The following GRK4 variants were observed in gnomAD, a reference collection of about 807,000 sequenced individuals.
GRK4 encodes the protein G protein-coupled receptor kinase 2-like.
GRK4 carries 73 observed loss-of-function variants against 77.9 expected under a neutral mutation model. The ratio of observed to expected loss-of-function variants is 0.94; its 90% CI spans 0.78 to 1.14. GRK4 has a LOEUF of 1.14. Among genes scored for constraint, GRK4 ranks in the 50% most tolerant of loss-of-function variants. GRK4 has a pLI of 0.00. For synonymous variants in GRK4, 257 were observed against 254.4 expected (o/e 1.01, Z -0.10); for missense variants, 729 against 700.2 (o/e 1.04, Z -0.46).
rs1740361285 is a variant in GRK4, at chr4:3,035,518, C to T, written c.1402C>T (p.Pro468Ser). 3 of 1,613,056 alleles carry T rather than the reference C, an allele frequency of 1.9e-6. No individual in the cohort carries two copies. The highest frequency in any genetic ancestry group is 2.5e-6 in the Non-Finnish European group (3 of 1,179,544). Residue 468 changes from proline to serine, a missense_variant, in exon 13 of 16, where the codon CCT becomes TCT. Coordinates refer to ENST00000398052, the MANE Select transcript of GRK4 (RefSeq NM_182982.3). ...AAACATGCTGGAGCCCCCTTTCTGT[C>T]CTGATGTAAGTGCATTGCCAGGACG... ...EANMLEPPFC[P>S]DPHAVYCKDV...
At chr4:2,993,174 A>G (rs1726782290) in intron 4 of GRK4, among the ~76,000 whole-genome samples, 1 of 152,234 alleles carries the variant, frequency 6.6e-6, no homozygotes, top group Non-Finnish European at 1.5e-5. Context: ...GACTAAAAAT[A>G]ACATTTTTTC....
At chr4:3,004,201 G>T in intron 4 of GRK4, 30 bp from the exon 5 acceptor site, 1 of 1,391,032 alleles carries the variant, frequency 7.2e-7, no homozygotes, top group South Asian at 1.2e-5. Context: ...AATCACTAAT[G>T]GTTATGTATT....
intron 1 of GRK4, among the ~76,000 whole-genome samples, chr4:2,975,423 G>T (rs1231959827): frequency 2.0e-5 from 3 of 152,154 alleles, no homozygotes; most frequent in African/African-American, 7.2e-5. Context: ...AATATACCGT[G>T]GGGGAGCAGA....
intron 7 of GRK4, among the ~76,000 whole-genome samples, chr4:3,012,617 G>C (rs1256817249): frequency 6.6e-6 from 1 of 152,162 alleles, no homozygotes; most frequent in African/African-American, 2.4e-5. Flanking sequence ...GCAGTGGATG[G>C]GAGTTGGAAG....
At chr4:3,029,769 C>T (rs1046978933) in intron 12 of GRK4, among the ~76,000 whole-genome samples, 1 of 152,172 alleles carries the variant, frequency 6.6e-6, no homozygotes, top group Non-Finnish European at 1.5e-5. Context: ...GTCTCTTGGC[C>T]CAGCAGGGAG....
At chr4:3,035,587 C>G (rs1025412572) in intron 13 of GRK4, 64 bp downstream of exon 13, 2 of 1,517,284 alleles carry the variant, frequency 1.3e-6, no homozygotes, top group East Asian at 4.6e-5. Flanking sequence ...CGGTTTTTCT[C>G]TTTCTTTTTT....
chr4:3,005,120 G>A (rs181806333), intron 5 of GRK4, among the ~76,000 whole-genome samples: 24 of 151,896 alleles, frequency 1.6e-4, no homozygotes, highest in Admixed American at 6.6e-4. Flanking sequence ...GGAGAATTCC[G>A]AGGTAAAGCA....
Position 2,992,214 on chromosome 4 carries a change from G to T in GRK4, c.262-1G>T. On this transcript the variant is annotated splice_acceptor_variant, in intron 3 of 15. Coordinates refer to ENST00000398052, the MANE Select transcript of GRK4 (RefSeq NM_182982.3). LOFTEE classifies it high-confidence loss of function. Reference sequence around the variant, plus strand: ...TTCTTTTCTTCCATCTCTCCAATCAGGCAGAATATGAAGTTGCCGATGATG... The same window carrying T: ...TTCTTTTCTTCCATCTCTCCAATCATGCAGAATATGAAGTTGCCGATGATG... 1 of 1,604,670 alleles carries T rather than the reference G, an allele frequency of 6.2e-7. No individual in the cohort carries two copies. Among genetic ancestry groups the T allele is most frequent in the Non-Finnish European group, 8.5e-7 (1 of 1,171,914 alleles).
chr4:3,039,613 G>A (rs191874270), intron 15 of GRK4, among the ~76,000 whole-genome samples: 3 of 148,834 alleles, frequency 2.0e-5, no homozygotes, highest in East Asian at 4.0e-4. Context: ...CAGGAGAATC[G>A]CTTGAACCTG....
intron 8 of GRK4, among the ~76,000 whole-genome samples, chr4:3,014,905 G>A (rs745955676): frequency 6.6e-6 from 1 of 152,174 alleles, no homozygotes; most frequent in Non-Finnish European, 1.5e-5. Flanking sequence ...GGGATTACAG[G>A]TGTGAGCTAC....
In GRK4 at chr4:2,980,143, C is replaced by T. The variant is rs182329240; in HGVS notation, c.53-4370C>T. 1.2e-4 allele frequency among the ~76,000 whole-genome samples: 18 copies of T among 152,288 alleles called. No individual in the cohort carries two copies. In the East Asian group the frequency reaches 3.5e-3, roughly 29 times the overall value. ...CTGACCCTCCACAGGGTACCCAGAG[C>T]CTGGACAGTGCCTGGCACACTGGAC... On this transcript the variant is annotated intron_variant, in intron 1 of 15. Coordinates refer to ENST00000398052, the MANE Select transcript of GRK4 (RefSeq NM_182982.3).
At chr4:2,975,004 C>T (rs1375722583) in intron 1 of GRK4, among the ~76,000 whole-genome samples, 1 of 152,134 alleles carries the variant, frequency 6.6e-6, no homozygotes, top group Non-Finnish European at 1.5e-5. Context: ...TCCTAATCTC[C>T]CTTCAAAGAC....
Position 3,038,388 on chromosome 4 carries a change from G to A in GRK4, c.1558G>A (p.Gly520Arg), listed in dbSNP as rs760977524. 9.3e-6 allele frequency: 15 copies of A among 1,614,036 alleles called. No homozygotes were observed. The highest frequency in any genetic ancestry group is 1.2e-5 in the Non-Finnish European group (14 of 1,180,018). Residue 520 changes from glycine (G) to arginine (R), a missense_variant, in exon 15 of 16, where the codon GGG becomes AGG. Coordinates refer to ENST00000398052, the MANE Select transcript of GRK4 (RefSeq NM_182982.3). ...IPWQNEMIES[G>R]CFKDINKSES... is the part of the protein sequence containing the mutation. ...TCTGTGCATGCAGATGATCGAATCT[G>A]GGTGTTTCAAAGACATCAACAAAAG...
At chr4:2,987,881 G>A (rs1724863737) in intron 2 of GRK4, among the ~76,000 whole-genome samples, 1 of 151,890 alleles carries the variant, frequency 6.6e-6, no homozygotes, top group South Asian at 2.1e-4. Flanking sequence ...TTTGAAACCA[G>A]CCTGGCCAAC....
chr4:2,980,537 C>T (rs1456515189), intron 1 of GRK4, among the ~76,000 whole-genome samples: 2 of 151,670 alleles, frequency 1.3e-5, no homozygotes. Context: ...GCAAATACCC[C>T]AGAACAGCAC....
chr4:3,001,089 A>ATATATATATATATGTGTG lies in GRK4; in HGVS notation c.340-3141_340-3140insATATATATATATGTGTGT. 3.0e-4 allele frequency among the ~76,000 whole-genome samples: 25 copies of ATATATATATATATGTGTG among 82,422 alleles called. 2 individuals carry two copies. The highest frequency in any genetic ancestry group is 6.0e-3 in the Middle Eastern group (1 of 168). 54.1% of individuals were successfully genotyped at this position (82,422 alleles called of 152,430 possible). The stretch of plus-strand genomic sequence containing the variant: ...TAAATGAGACTATATATATATATAT[A>ATATATATATATATGTGTG]TGTGTGTGTGTGTGTGTATATATAT... On this transcript the variant is annotated intron_variant, in intron 4 of 15. Coordinates refer to ENST00000398052, the MANE Select transcript of GRK4 (RefSeq NM_182982.3).
At position 2,963,719 on chromosome 4, in the gene GRK4, G is replaced by T; in HGVS notation, c.-352G>T. 3 of 410,064 alleles carry T rather than the reference G, an allele frequency of 7.3e-6. No individual in the cohort carries two copies. The South Asian group carries it at 1.1e-4, about 15-fold the overall frequency. 25.4% of individuals were successfully genotyped at this position (410,064 alleles called of 1,614,324 possible). A position where few individuals can be genotyped will look rare whatever the true frequency, so the allele number is the denominator to read the frequency against. ...TGAGCCACGGCATTGACTCGGGGCT[G>T]CCCGGGGGCAGGGCACTGAGGAGGG... On this transcript the variant is annotated 5_prime_UTR_variant, in exon 1 of 16. Coordinates refer to ENST00000398052, the MANE Select transcript of GRK4 (RefSeq NM_182982.3).
intron 1 of GRK4, among the ~76,000 whole-genome samples, chr4:2,971,604 C>T (rs1388237481): frequency 6.6e-6 from 1 of 152,132 alleles, no homozygotes; most frequent in Non-Finnish European, 1.5e-5. Flanking sequence ...GCGGGGAGGA[C>T]AGTATTGTGT....
chr4:3,025,664 T>G (rs1279065051), intron 10 of GRK4, among the ~76,000 whole-genome samples: 2 of 152,096 alleles, frequency 1.3e-5, no homozygotes, highest in Non-Finnish European at 2.9e-5. Context: ...AGTGCTGGGA[T>G]TACAGGCTTG....
Sources: gnomAD v4.1 joint callset for allele counts (sites outside exome capture counted in the v4.1 genomes callset) on GRCh38, gnomAD v4.1.1 for gene constraint, MANE v1.5 for transcripts, NCBI Gene and HGNC (gene_info 2026-07-23, HGNC 2026-07-21) for gene names.